EPS15L1: variants seen among roughly 807,000 people sequenced by gnomAD.
EPS15L1 encodes epidermal growth factor receptor pathway substrate 15 like 1, also known as epidermal growth factor receptor substrate 15-like 1.
A neutral mutation model predicts 117.1 loss-of-function variants in EPS15L1; 43 were observed. That is an observed-to-expected ratio of 0.37 (90% CI 0.29 to 0.47). The LOEUF (loss-of-function observed/expected upper bound fraction) is 0.47, where lower values mean the gene tolerates loss of function less well. Ranked by LOEUF, EPS15L1 falls within the 20% of genes least tolerant of loss-of-function variation. The probability of loss-of-function intolerance (pLI) is 0.99; values close to 1 mark genes in which losing one functional copy is unlikely to be tolerated. For synonymous variants in EPS15L1, 459 were observed against 470.5 expected, an observed-to-expected ratio of 0.98 and a Z score of 0.32; for missense variants, 981 against 1,164.0, an observed-to-expected ratio of 0.84 and a Z score of 2.29.
intron 13 of EPS15L1, among the ~76,000 whole-genome samples, chr19:16,408,827 G>A (rs977514745): frequency 2.6e-5 from 4 of 152,246 alleles, no homozygotes; most frequent in African/African-American, 4.8e-5. Flanking sequence ...ATAGGTCAAT[G>A]GGATAGAGCT....
chr19:16,451,489 G>T (rs1014551350), intron 1 of EPS15L1, among the ~76,000 whole-genome samples: 1 of 151,414 alleles, frequency 6.6e-6, no homozygotes, highest in African/African-American at 2.4e-5. Flanking sequence ...AACTGTTAGA[G>T]GTGCATGTTG....
chr19:16,400,277 C>A (rs1203097749), intron 16 of EPS15L1, among the ~76,000 whole-genome samples: 1 of 144,848 alleles, frequency 6.9e-6, no homozygotes, highest in African/African-American at 2.6e-5. Flanking sequence ...GCAGAGGTTG[C>A]AGTGAGCTGA....
At chr19:16,395,891 G>A (rs996740508) in intron 16 of EPS15L1, among the ~76,000 whole-genome samples, 6 of 147,948 alleles carry the variant, frequency 4.1e-5, no homozygotes, top group Non-Finnish European at 7.4e-5. Flanking sequence ...GTTGCAGTGA[G>A]CTGAGATTAC....
rs1379544831 is a variant in EPS15L1 at position 16,381,185 on chromosome 19, A to G, written c.2248-3931T>C. 6.6e-6 allele frequency among the ~76,000 whole-genome samples: 1 copy of G among 152,230 alleles called. No individual in the cohort carries two copies. Among genetic ancestry groups the G allele is most frequent in the Non-Finnish European group, 1.5e-5 (1 of 68,040 alleles). ...CGCTCTGTGCTGATCTTCTCACCTAATAATAGGCCCAGTGACCTGGCAGGG... is the reference window on the plus strand; with the variant it reads ...CGCTCTGTGCTGATCTTCTCACCTAGTAATAGGCCCAGTGACCTGGCAGGG... On this transcript the variant is annotated intron_variant, in intron 21 of 23. Transcript: ENST00000455140. The surrounding 1 kb of genome is among the most constrained non-coding windows in gnomAD (Gnocchi z 4.2).
chr19:16,426,192 T>C (rs1312951769), intron 8 of EPS15L1, among the ~76,000 whole-genome samples: 1 of 152,182 alleles, frequency 6.6e-6, no homozygotes, highest in Non-Finnish European at 1.5e-5. Context: ...GACATCACGT[T>C]CCCCCAGGTG....
intron 13 of EPS15L1, among the ~76,000 whole-genome samples, chr19:16,406,241 T>G (rs1264629079): frequency 6.6e-6 from 1 of 151,910 alleles, no homozygotes; most frequent in Admixed American, 6.6e-5. Context: ...GAAGCTGGGG[T>G]CTCCGTTCCC....
rs913795292 is a variant in EPS15L1 at position 16,392,217 on chromosome 19, C to A, written c.2103+87G>T. 3.3e-6 allele frequency: 5 copies of A among 1,504,176 alleles called. No individual in the cohort carries two copies. In the African/African-American group the frequency reaches 5.5e-5, roughly 17 times the overall value. 93.2% of individuals were successfully genotyped at this position (1,504,176 alleles called of 1,614,324 possible). ...ACTCGCAGGCACCATGTACGCTCCACGAAGGGAAGGGGGCCTTCGGGAAGC... is the reference window on the plus strand; with the variant it reads ...ACTCGCAGGCACCATGTACGCTCCAAGAAGGGAAGGGGGCCTTCGGGAAGC... On this transcript the variant is annotated intron_variant, in intron 19 of 23. Coordinates refer to ENST00000455140, the MANE Select transcript of EPS15L1 (RefSeq NM_001258374.3).
intron 21 of EPS15L1, among the ~76,000 whole-genome samples, chr19:16,380,736 T>C (rs1336917175): frequency 6.6e-6 from 1 of 152,238 alleles, no homozygotes; most frequent in East Asian, 1.9e-4. Flanking sequence ...TGCGACTCTC[T>C]AGGTCTCTAC....
At chr19:16,380,014 TCCA>T (rs1265983274) in intron 21 of EPS15L1, among the ~76,000 whole-genome samples, 1 of 152,126 alleles carries the variant, frequency 6.6e-6, no homozygotes, top group African/African-American at 2.4e-5. Flanking sequence ...TGTCTAAAGC[TCCA>T]GCATCTAGTC....
chr19:16,377,049 G>A, intron 22 of EPS15L1, 73 bp downstream of exon 22: 2 of 1,511,838 alleles, frequency 1.3e-6, no homozygotes, highest in South Asian at 1.3e-5. Flanking sequence ...CTGGGCTGGT[G>A]AGCAGGGAGG....
chr19:16,355,939 C>A, intron 23 of EPS15L1, 88 bp from the exon 24 acceptor site: 1 of 1,461,332 alleles, frequency 6.8e-7, no homozygotes, highest in Non-Finnish European at 9.2e-7. Flanking sequence ...TGGGAGGGGT[C>A]AGGGTCCTGC....
rs117154809 is a variant in EPS15L1, at chr19:16,400,088, G to A, written c.1791+2233C>T. 4.5e-3 allele frequency among the ~76,000 whole-genome samples: 685 copies of A among 152,296 alleles called. 18 individuals are homozygous for A. The East Asian group carries it at 0.047, about 10-fold the overall frequency. On this transcript the variant is annotated intron_variant, in intron 16 of 23. Transcript: ENST00000455140. ...GAGGTGGCTCACGCCTGTAATCCCAGCATTTGGGGAGGTCGAGGCGGGCAG... is the reference window on the plus strand; with the variant it reads ...GAGGTGGCTCACGCCTGTAATCCCAACATTTGGGGAGGTCGAGGCGGGCAG...
chr19:16,373,618 C>T (rs1354211348), intron 22 of EPS15L1, among the ~76,000 whole-genome samples: 1 of 152,200 alleles, frequency 6.6e-6, no homozygotes, highest in Non-Finnish European at 1.5e-5. Context: ...CTGCTGACCG[C>T]TCTTGCCCAT....
intron 1 of EPS15L1, among the ~76,000 whole-genome samples, chr19:16,442,893 A>G (rs1252576990): frequency 6.6e-6 from 1 of 152,150 alleles, no homozygotes; most frequent in Non-Finnish European, 1.5e-5. Context: ...AGGGTCACGC[A>G]GCTAATCGGG....
At chr19:16,433,468 T>C (rs758362799) in intron 7 of EPS15L1, among the ~76,000 whole-genome samples, 2 of 152,128 alleles carry the variant, frequency 1.3e-5, no homozygotes, top group Non-Finnish European at 1.5e-5. Flanking sequence ...AAATTTTTCC[T>C]AAATTTGCAG....
Position 16,361,761 on chromosome 19 carries a change from G to A in EPS15L1, c.2586+18C>T, listed in dbSNP as rs761910127. On this transcript the variant is annotated intron_variant, in intron 23 of 23. Coordinates refer to ENST00000455140, the MANE Select transcript of EPS15L1 (RefSeq NM_001258374.3). ...CGGAAGGGAGTGGGGTGGCCCGGAG[G>A]CGGAGGACTCAACTTACAGAGGTGA... The A allele has an allele frequency of 4.4e-6, 7 of 1,607,150 alleles. No individual in the cohort carries two copies. Among genetic ancestry groups the A allele is most frequent in the Admixed American group, 3.4e-5 (2 of 59,096 alleles).
At chr19:16,416,877 T>C (rs2092763228) in intron 12 of EPS15L1, among the ~76,000 whole-genome samples, 1 of 152,130 alleles carries the variant, frequency 6.6e-6, no homozygotes, top group East Asian at 1.9e-4. Flanking sequence ...CATTTCTTTA[T>C]ACCAGACTCT....
chr19:16,369,861 AC>A (rs2092196440), intron 22 of EPS15L1, among the ~76,000 whole-genome samples: 1 of 152,206 alleles, frequency 6.6e-6, no homozygotes, highest in African/African-American at 2.4e-5. Flanking sequence ...CTGCGTGAAC[AC>A]CCCTGGGTGT....
chr19:16,433,231 G>A (rs559997740), intron 7 of EPS15L1, among the ~76,000 whole-genome samples: 62 of 151,956 alleles, frequency 4.1e-4, no homozygotes, highest in Admixed American at 9.8e-4. Flanking sequence ...GGGTTCAAAC[G>A]ATTCTCCTGT....
Sources: gnomAD v4.1 joint callset for allele counts (sites outside exome capture counted in the v4.1 genomes callset) on GRCh38, gnomAD v4.1.1 for gene constraint, Gnocchi (gnomAD v3.1) non-coding constraint, MANE v1.5 for transcripts, NCBI Gene and HGNC (gene_info 2026-07-23, HGNC 2026-07-21) for gene names.